ANKFN1: variants seen among roughly 807,000 people sequenced by gnomAD.
ANKFN1 encodes ankyrin repeat and fibronectin type-III domain-containing protein 1.
ANKFN1 carries 74 observed loss-of-function variants against 108.7 expected under a neutral mutation model. That is an observed-to-expected ratio of 0.68 (90% CI 0.56 to 0.83). ANKFN1 has a LOEUF of 0.83. Among genes scored for constraint, ANKFN1 ranks in the 40% least tolerant of loss-of-function variants. The probability of loss-of-function intolerance (pLI) is 0.00; values close to 1 mark genes in which losing one functional copy is unlikely to be tolerated. For missense variants in ANKFN1, 1,505 were observed against 1,382.3 expected (o/e 1.09, Z -1.41); for synonymous variants, 547 against 516.2 (o/e 1.06, Z -0.81).
intron 1 of ANKFN1, among the ~76,000 whole-genome samples, chr17:56,199,159 C>T (rs999864483): frequency 3.3e-5 from 5 of 151,370 alleles, no homozygotes; most frequent in Non-Finnish European, 7.4e-5. Context: ...TCCTATAAGT[C>T]CTGCACATTT....
At chr17:56,157,864 G>A (rs1028760115) in intron 1 of ANKFN1, among the ~76,000 whole-genome samples, 2 of 152,340 alleles carry the variant, frequency 1.3e-5, no homozygotes, top group Non-Finnish European at 2.9e-5. Context: ...ACCGGTACCT[G>A]TTCCTCTCCA....
At chr17:56,116,011 C>T (rs2143273188) in intron 4 of ANKFN1, among the ~76,000 whole-genome samples, 1 of 152,270 alleles carries the variant, frequency 6.6e-6, no homozygotes, top group Non-Finnish European at 1.5e-5. Flanking sequence ...GTGCATAGAG[C>T]ACTGCAGTGG....
At chr17:56,109,321 C>T (rs1177187232) in intron 4 of ANKFN1, among the ~76,000 whole-genome samples, 2 of 152,080 alleles carry the variant, frequency 1.3e-5, no homozygotes, top group Non-Finnish European at 2.9e-5. Flanking sequence ...GAGCCTCCAT[C>T]GAGACAAATG....
chr17:56,268,389 A>T (rs1329278385), intron 3 of ANKFN1, among the ~76,000 whole-genome samples: 1 of 152,234 alleles, frequency 6.6e-6, no homozygotes, highest in Non-Finnish European at 1.5e-5. Context: ...TAATGATAAC[A>T]AAGACACAAC....
rs2051844271 is a variant in ANKFN1 at position 56,513,882 on chromosome 17, A to G, written c.*2613A>G. On this transcript the variant is annotated 3_prime_UTR_variant, in exon 21 of 21. Coordinates refer to ENST00000682825, the MANE Select transcript of ANKFN1 (RefSeq NM_001370326.1). ...TATGTTGTAGCTTCCATAATTAGCT[A>G]TTATTCAGGTAGGTTTCCCCATACC... Among the ~76,000 whole-genome samples, 1 of 152,218 alleles carries G rather than the reference A, an allele frequency of 6.6e-6. No homozygotes were observed.
chr17:56,304,088 G>A (rs561733846), intron 3 of ANKFN1, among the ~76,000 whole-genome samples: 4 of 152,076 alleles, frequency 2.6e-5, no homozygotes, highest in African/African-American at 9.6e-5. Flanking sequence ...ATATTGTCAA[G>A]AAACAGAACA....
At chr17:56,204,341 C>T (rs749115489) in intron 1 of ANKFN1, among the ~76,000 whole-genome samples, 1 of 150,360 alleles carries the variant, frequency 6.7e-6, no homozygotes, top group Non-Finnish European at 1.5e-5. Flanking sequence ...CCACCACGCC[C>T]AGCCTATTTT....
intron 3 of ANKFN1, among the ~76,000 whole-genome samples, chr17:56,254,486 G>A (rs183442177): frequency 1.3e-5 from 2 of 152,170 alleles, no homozygotes; most frequent in Admixed American, 6.5e-5. Context: ...CCTTTCCATA[G>A]CCAGGATGTC....
intron 4 of ANKFN1, among the ~76,000 whole-genome samples, chr17:56,341,598 T>C (rs1256635530): frequency 6.6e-6 from 1 of 152,112 alleles, no homozygotes; most frequent in African/African-American, 2.4e-5. Flanking sequence ...CTTTATGTGA[T>C]GAATCACATT....
At chr17:56,337,610 GA>G (rs2045848742) in intron 4 of ANKFN1, among the ~76,000 whole-genome samples, 2 of 111,966 alleles carry the variant, frequency 1.8e-5, no homozygotes, top group Admixed American at 1.9e-4. Flanking sequence ...AAATTTACAA[GA>G]AAAAAAGCAA....
chr17:56,370,007 T>A (rs762214775), intron 6 of ANKFN1, among the ~76,000 whole-genome samples: 4 of 152,214 alleles, frequency 2.6e-5, no homozygotes, highest in African/African-American at 4.8e-5. Context: ...AATAATATGC[T>A]TAATCAAAAT....
intron 3 of ANKFN1, among the ~76,000 whole-genome samples, chr17:56,275,602 A>C (rs2144209444): frequency 6.6e-6 from 1 of 152,318 alleles, no homozygotes; most frequent in South Asian, 2.1e-4. Flanking sequence ...AGTGTTTAAA[A>C]CGTATAGCAA....
intron 3 of ANKFN1, among the ~76,000 whole-genome samples, chr17:56,297,310 C>T (rs1190254682): frequency 2.6e-5 from 4 of 152,110 alleles, no homozygotes; most frequent in South Asian, 2.1e-4. Context: ...TCGCTAAGGG[C>T]GGAAACCACT....
chr17:56,465,248 G>A (rs975890591), intron 14 of ANKFN1, among the ~76,000 whole-genome samples: 5 of 152,024 alleles, frequency 3.3e-5, no homozygotes, highest in African/African-American at 1.2e-4. Context: ...TTAGGCCATC[G>A]CAAAAAAATC....
intron 1 of ANKFN1, among the ~76,000 whole-genome samples, chr17:56,208,180 T>G (rs1159984624): frequency 1.3e-5 from 2 of 152,168 alleles, no homozygotes; most frequent in Non-Finnish European, 2.9e-5. Context: ...TGGCTGATTT[T>G]TTATATTTTT....
At chr17:56,358,883 AACCC>A (rs766998016) in intron 6 of ANKFN1, among the ~76,000 whole-genome samples, 1 of 152,070 alleles carries the variant, frequency 6.6e-6, no homozygotes, top group Non-Finnish European at 1.5e-5. Context: ...CCCAGTCATA[AACCC>A]CTCCCTTTTT....
chr17:56,057,374 A>T (rs1158390089), intron 4 of ANKFN1, among the ~76,000 whole-genome samples: 1 of 152,192 alleles, frequency 6.6e-6, no homozygotes, highest in Admixed American at 6.5e-5. Context: ...CTTTTGATTT[A>T]GTTTGTCAAG....
intron 4 of ANKFN1, among the ~76,000 whole-genome samples, chr17:56,062,043 G>A (rs1445400234): frequency 2.0e-5 from 3 of 152,216 alleles, no homozygotes; most frequent in African/African-American, 2.4e-5. Context: ...GTGTGGTTTT[G>A]AGTGAGTTTC....
At chr17:56,286,633 C>A (rs2044224302) in intron 3 of ANKFN1, among the ~76,000 whole-genome samples, 1 of 152,074 alleles carries the variant, frequency 6.6e-6, no homozygotes, top group Non-Finnish European at 1.5e-5. Context: ...GTATGCTGAG[C>A]CAGGTGGAGT....
Sources: allele counts gnomAD v4.1 joint callset (sites outside exome capture counted in the v4.1 genomes callset), GRCh38; gene constraint gnomAD v4.1.1; transcripts MANE v1.5; gene names NCBI Gene and HGNC (gene_info 2026-07-23, HGNC 2026-07-21).